CDH23: variants seen among roughly 807,000 people sequenced by gnomAD.
CDH23 encodes cadherin-23.
A neutral mutation model predicts 317.1 loss-of-function variants in CDH23; 189 were observed. The ratio of observed to expected loss-of-function variants is 0.60; its 90% CI spans 0.53 to 0.67. The LOEUF (loss-of-function observed/expected upper bound fraction) is 0.67, where lower values mean the gene tolerates loss of function less well. Among genes scored for constraint, CDH23 ranks in the 30% least tolerant of loss-of-function variants. The probability of loss-of-function intolerance (pLI) is 0.00; values close to 1 mark genes in which losing one functional copy is unlikely to be tolerated. For missense variants in CDH23, 4,401 were observed against 4,592.4 expected (o/e 0.96, Z 1.20); for synonymous variants, 1,839 against 1,876.8 (o/e 0.98, Z 0.52).
At chr10:71,530,416 T>A (rs1855306250) in intron 6 of CDH23, among the ~76,000 whole-genome samples, 1 of 152,234 alleles carries the variant, frequency 6.6e-6, no homozygotes, top group Non-Finnish European at 1.5e-5. Context: ...AATAGGCCTC[T>A]GCAGACTGCC....
intron 9 of CDH23, among the ~76,000 whole-genome samples, chr10:71,599,741 T>G (rs1238941656): frequency 6.6e-6 from 1 of 152,222 alleles, no homozygotes; most frequent in Non-Finnish European, 1.5e-5. Flanking sequence ...AGTCCAGACT[T>G]GAGCCAGACT....
intron 3 of CDH23, among the ~76,000 whole-genome samples, chr10:71,457,858 G>A: frequency 6.6e-6 from 1 of 152,240 alleles, no homozygotes; most frequent in Admixed American, 6.5e-5. Flanking sequence ...GCTTGCTCCT[G>A]GGTCCACAGC....
chr10:71,620,566 G>A (rs1404653562), intron 11 of CDH23, among the ~76,000 whole-genome samples: 47 of 152,174 alleles, frequency 3.1e-4, no homozygotes, highest in Non-Finnish European at 8.8e-5. Flanking sequence ...TCTAGTGACC[G>A]CCCCCCACCC....
intron 15 of CDH23, among the ~76,000 whole-genome samples, chr10:71,676,189 G>A (rs1864362522): frequency 6.6e-6 from 1 of 151,588 alleles, no homozygotes; most frequent in African/African-American, 2.4e-5. Context: ...TTACAGGCAT[G>A]AGCCACTGCA....
chr10:71,703,084 C>T (rs1404902148), intron 24 of CDH23, among the ~76,000 whole-genome samples: 1 of 152,152 alleles, frequency 6.6e-6, no homozygotes, highest in African/African-American at 2.4e-5. Flanking sequence ...GATCAGCTCC[C>T]TTTACTACAG....
In CDH23 at chr10:71,812,818, C is replaced by A. The variant is rs1375225680; in HGVS notation, c.9561C>A (p.Tyr3187Ter). The A allele has an allele frequency of 6.2e-7, 1 of 1,613,474 alleles. No individual in the cohort carries two copies. Among genetic ancestry groups the A allele is most frequent in the South Asian group, 1.1e-5 (1 of 90,970 alleles). Residue 3187 changes from tyrosine to a stop codon, truncating the protein, a stop_gained, in exon 68 of 70, where the codon TAC becomes TAA. Coordinates refer to ENST00000224721, the MANE Select transcript of CDH23 (RefSeq NM_022124.6). LOFTEE classifies it high-confidence loss of function. Reference protein sequence around the residue: ...PAAVKPDDDRYLRAAIQEYDN... With the variant: ...PAAVKPDDDR ...CTGTCAAGCCTGATGATGACCGATACCTGCGGGCTGCCATCCAGGAGTATG... is the reference window on the plus strand; with the variant it reads ...CTGTCAAGCCTGATGATGACCGATAACTGCGGGCTGCCATCCAGGAGTATG...
At chr10:71,737,364 CT>C (rs1432293608) in intron 34 of CDH23, among the ~76,000 whole-genome samples, 1 of 152,236 alleles carries the variant, frequency 6.6e-6, no homozygotes, top group Non-Finnish European at 1.5e-5. Flanking sequence ...GCTTGAATAA[CT>C]TTTTCCAAAA....
intron 41 of CDH23, among the ~76,000 whole-genome samples, chr10:71,782,843 G>A (rs1003634815): frequency 6.6e-6 from 1 of 152,250 alleles, no homozygotes; most frequent in Non-Finnish European, 1.5e-5. Flanking sequence ...GCAGGGTGAA[G>A]CCTATGGGAC....
intron 38 of CDH23, among the ~76,000 whole-genome samples, chr10:71,762,421 C>T (rs937215164): frequency 6.6e-6 from 1 of 152,258 alleles, no homozygotes; most frequent in African/African-American, 2.4e-5. Context: ...GCCATCAACA[C>T]CTCTGCCCCT....
At chr10:71,576,173 C>T (rs1214239281) in intron 8 of CDH23, among the ~76,000 whole-genome samples, 1 of 152,226 alleles carries the variant, frequency 6.6e-6, no homozygotes, top group Non-Finnish European at 1.5e-5. Context: ...CCTGCACCAG[C>T]CCCCTCGTGT....
chr10:71,581,827 A>G (rs1858659045), intron 9 of CDH23, among the ~76,000 whole-genome samples: 1 of 152,172 alleles, frequency 6.6e-6, no homozygotes, highest in African/African-American at 2.4e-5. Context: ...TGGTCTCAAC[A>G]GACACCCCCT....
chr10:71,741,713 C>T lies in CDH23; in HGVS notation c.4637C>T (p.Ala1546Val), dbSNP rs145316633. 1.2e-6 allele frequency: 2 copies of T among 1,610,422 alleles called. No homozygotes were observed. The highest frequency in any genetic ancestry group is 4.5e-5 in the East Asian group (2 of 44,836). The change falls in exon 38 of 70, where the codon GCT becomes GTT. Residue 1546 changes from alanine to valine, a missense_variant. By Grantham distance (64) the Ala-to-Val change is moderately conservative. Transcript: ENST00000224721. The part of the protein sequence containing the change: ...SVNENVGGGT[A>V]VVQVRATDRD... ...TCCCAGAACGTGGGTGGAGGTACTG[C>T]TGTGGTCCAGGTGAGAGCCACTGAC...
chr10:71,661,716 A>ACCCTGCGCGCCCTCCCC (rs1863659802), intron 14 of CDH23, among the ~76,000 whole-genome samples: 8 of 68,276 alleles, frequency 1.2e-4, no homozygotes, highest in African/African-American at 3.8e-4. Flanking sequence ...TACCCCTCCC[A>ACCCTGCGCGCCCTCCCC]CCCTGCGCGC....
At chr10:71,465,548 T>G (rs368825273) in intron 3 of CDH23, among the ~76,000 whole-genome samples, 60 of 152,368 alleles carry the variant, frequency 3.9e-4, no homozygotes, top group African/African-American at 1.4e-3. Context: ...GATCTCTGGC[T>G]AGGCCAGCTC....
At chr10:71,537,340 C>T (rs998151794) in intron 6 of CDH23, among the ~76,000 whole-genome samples, 2 of 152,192 alleles carry the variant, frequency 1.3e-5, no homozygotes, top group Non-Finnish European at 2.9e-5. Context: ...GGACATGATC[C>T]GTCAGGGATC....
intron 9 of CDH23, among the ~76,000 whole-genome samples, chr10:71,582,304 T>A (rs955026828): frequency 2.0e-5 from 3 of 152,104 alleles, no homozygotes; most frequent in Non-Finnish European, 4.4e-5. Context: ...TAGTCTGAAT[T>A]GAGATGTGCT....
chr10:71,716,286 C>T (rs371701194), intron 28 of CDH23: 32 of 1,525,864 alleles, frequency 2.1e-5, no homozygotes, highest in South Asian at 1.2e-4. Context: ...GAGAGAAAGG[C>T]GAGGGGGCTG....
chr10:71,694,606 C>T (rs753033059), intron 21 of CDH23, among the ~76,000 whole-genome samples: 14 of 152,116 alleles, frequency 9.2e-5, no homozygotes, highest in South Asian at 2.1e-4. Context: ...GGCATTCCTG[C>T]GAGGAAGAGC....
chr10:71,642,022 G>C (rs1188071710), intron 11 of CDH23, among the ~76,000 whole-genome samples: 1 of 152,138 alleles, frequency 6.6e-6, no homozygotes, highest in East Asian at 1.9e-4. Flanking sequence ...CTTGAACCTG[G>C]GAAGTAGAGG....
Sources: gnomAD v4.1 joint callset for allele counts (sites outside exome capture counted in the v4.1 genomes callset) on GRCh38, gnomAD v4.1.1 for gene constraint, MANE v1.5 for transcripts, NCBI Gene and HGNC (gene_info 2026-07-23, HGNC 2026-07-21) for gene names.